The following CNTNAP5 variants were observed in gnomAD, a reference collection of about 807,000 sequenced individuals.
CNTNAP5 encodes the protein contactin-associated protein-like 5.
In CNTNAP5, 72 loss-of-function variants were observed where a neutral mutation model predicts 150.2. That is an observed-to-expected ratio of 0.48 (90% confidence interval 0.40 to 0.58). The LOEUF (loss-of-function observed/expected upper bound fraction) is 0.58. Among genes scored for constraint, CNTNAP5 ranks in the 20% least tolerant of loss-of-function variants. The probability of loss-of-function intolerance (pLI) is 0.00; values close to 1 mark genes in which losing one functional copy is unlikely to be tolerated. For missense variants in CNTNAP5, 1,636 were observed against 1,626.2 expected (o/e 1.01, Z -0.10); for synonymous variants, 672 against 619.8 (o/e 1.08, Z -1.25).
intron 1 of CNTNAP5, among the ~76,000 whole-genome samples, chr2:124,117,696 C>A (rs767344056): frequency 4.6e-5 from 7 of 152,176 alleles, no homozygotes; most frequent in Non-Finnish European, 7.3e-5. Flanking sequence ...CCAGTACTTA[C>A]CTACTCTCCT....
intron 1 of CNTNAP5, among the ~76,000 whole-genome samples, chr2:124,081,883 T>C (rs1244538002): frequency 6.6e-6 from 1 of 152,188 alleles, no homozygotes; most frequent in Non-Finnish European, 1.5e-5. Flanking sequence ...TGTAGTACAA[T>C]ATCACAACCA....
At chr2:124,379,546 A>G (rs928667522) in intron 3 of CNTNAP5, among the ~76,000 whole-genome samples, 3 of 152,216 alleles carry the variant, frequency 2.0e-5, no homozygotes, top group Admixed American at 6.5e-5. Context: ...CAGTTTATCT[A>G]TTTACCCACT....
At position 124,915,721 on chromosome 2, in the gene CNTNAP5, A is replaced by G. The variant is rs547057649; in HGVS notation, c.*1433A>G. Among the ~76,000 whole-genome samples the G allele has an allele frequency of 5.3e-5, 8 of 152,168 alleles. No homozygotes were observed. The highest frequency in any genetic ancestry group is 1.9e-4 in the African/African-American group (8 of 41,550). On this transcript the variant is annotated 3_prime_UTR_variant, in exon 24 of 24. Coordinates refer to ENST00000682447, the MANE Select transcript of CNTNAP5 (RefSeq NM_001367498.1). ...CCCTTTTGGTAACAAAGCATTGAAA[A>G]CAGTCATTCCTTCAAGAAGGCACCT...
At position 124,408,415 on chromosome 2, in the gene CNTNAP5, T is replaced by G. The variant is rs575971506; in HGVS notation, c.382-9028T>G. Among the ~76,000 whole-genome samples, 29 of 152,298 alleles carry G rather than the reference T, an allele frequency of 1.9e-4. 1 individual carries two copies. The East Asian group carries it at 5.4e-3, about 28-fold the overall frequency. On this transcript the variant is annotated intron_variant, in intron 3 of 23. Coordinates refer to ENST00000682447, the MANE Select transcript of CNTNAP5 (RefSeq NM_001367498.1). ...AGGAGGCCTGCCTGCCTCTGTAGGC[T>G]CCACCTCTGGGGGCAGGGCACAGAC...
intron 3 of CNTNAP5, among the ~76,000 whole-genome samples, chr2:124,404,242 A>C (rs1468372091): frequency 6.6e-6 from 1 of 152,256 alleles, no homozygotes; most frequent in Non-Finnish European, 1.5e-5. Flanking sequence ...TCACTGATGC[A>C]GAATTTTGTT....
chr2:124,185,804 A>G (rs1258746473), intron 1 of CNTNAP5, among the ~76,000 whole-genome samples: 1 of 152,144 alleles, frequency 6.6e-6, no homozygotes, highest in African/African-American at 2.4e-5. Flanking sequence ...ACCATTGCTC[A>G]GCTTCTTTGC....
At chr2:124,193,308 A>G (rs1685501851) in intron 1 of CNTNAP5, among the ~76,000 whole-genome samples, 2 of 152,254 alleles carry the variant, frequency 1.3e-5, no homozygotes, top group South Asian at 4.1e-4. Context: ...TGAGCGGGAC[A>G]TAATTCAACC....
At chr2:124,754,148 C>T (rs1362007911) in intron 14 of CNTNAP5, among the ~76,000 whole-genome samples, 1 of 152,088 alleles carries the variant, frequency 6.6e-6, no homozygotes, top group Non-Finnish European at 1.5e-5. Flanking sequence ...TCCCAGGCTC[C>T]ATGCATTAAG....
intron 13 of CNTNAP5, among the ~76,000 whole-genome samples, chr2:124,702,690 A>G (rs986353892): frequency 6.6e-6 from 1 of 152,076 alleles, no homozygotes; most frequent in South Asian, 2.1e-4. Flanking sequence ...TCAATTTTGT[A>G]CAGCACGAGG....
intron 1 of CNTNAP5, among the ~76,000 whole-genome samples, chr2:124,090,194 A>G (rs1272806348): frequency 1.3e-5 from 2 of 152,248 alleles, no homozygotes; most frequent in East Asian, 3.8e-4. Context: ...CATATGGCCT[A>G]CTTTGAAAAA....
chr2:124,786,398 A>AGAAAGAAAGAAGGAAG (rs1553442119), intron 17 of CNTNAP5, among the ~76,000 whole-genome samples: 31 of 45,188 alleles, frequency 6.9e-4, no homozygotes, highest in East Asian at 1.4e-3. Context: ...AAAGAAAGAA[A>AGAAAGAAAGAAGGAAG]GAAGGAAGGA....
chr2:124,335,480 T>A (rs763660450), intron 3 of CNTNAP5, among the ~76,000 whole-genome samples: 8 of 150,998 alleles, frequency 5.3e-5, no homozygotes, highest in Non-Finnish European at 1.0e-4. Flanking sequence ...AAAGAGAACT[T>A]TATACACCAA....
chr2:124,462,363 G>T (rs1028324387), intron 6 of CNTNAP5, among the ~76,000 whole-genome samples: 3 of 152,150 alleles, frequency 2.0e-5, no homozygotes, highest in Admixed American at 2.0e-4. Flanking sequence ...ATTGTGATTT[G>T]TGGACTTGCT....
intron 10 of CNTNAP5, among the ~76,000 whole-genome samples, chr2:124,553,403 C>G (rs1312417388): frequency 2.0e-5 from 3 of 151,376 alleles, no homozygotes; most frequent in Non-Finnish European, 1.5e-5. Context: ...ACTTGGGAGG[C>G]TGAGGCAGGA....
intron 6 of CNTNAP5, among the ~76,000 whole-genome samples, chr2:124,461,970 AAAAAATAAAAT>A (rs1410108608): frequency 2.6e-5 from 4 of 152,036 alleles, no homozygotes; most frequent in Admixed American, 6.5e-5. Context: ...TCACTAAGAA[AAAAAATAAAAT>A]AAAAATAAAA....
intron 12 of CNTNAP5, among the ~76,000 whole-genome samples, chr2:124,635,471 C>T (rs1019360920): frequency 2.6e-5 from 4 of 152,026 alleles, no homozygotes; most frequent in South Asian, 2.1e-4. Flanking sequence ...GAAGGGAAAC[C>T]GGAGGAAAGA....
chr2:124,405,314 C>A (rs1021642344), intron 3 of CNTNAP5, among the ~76,000 whole-genome samples: 2 of 152,180 alleles, frequency 1.3e-5, no homozygotes, highest in Non-Finnish European at 2.9e-5. Flanking sequence ...TGGGCTGAAA[C>A]CTTCTTTGAT....
intron 19 of CNTNAP5, among the ~76,000 whole-genome samples, chr2:124,798,725 G>A (rs1002878653): frequency 2.6e-5 from 4 of 152,156 alleles, no homozygotes; most frequent in African/African-American, 4.8e-5. Flanking sequence ...CATACATGCA[G>A]GCTGTATTAA....
intron 1 of CNTNAP5, among the ~76,000 whole-genome samples, chr2:124,177,011 A>G (rs1441924973): frequency 1.3e-5 from 2 of 151,620 alleles, no homozygotes; most frequent in African/African-American, 2.4e-5. Flanking sequence ...ATGCCTGGCT[A>G]ATTTTTTTTT....
Sources: allele counts gnomAD v4.1 joint callset (sites outside exome capture counted in the v4.1 genomes callset), GRCh38; gene constraint gnomAD v4.1.1; transcripts MANE v1.5; gene names NCBI Gene and HGNC (gene_info 2026-07-23, HGNC 2026-07-21).